Variants in FAM13A observed in about 807,000 individuals in gnomAD.
The protein encoded by FAM13A is protein FAM13A.
In FAM13A, 76 loss-of-function variants were observed where a neutral mutation model predicts 129.6. The ratio of observed to expected loss-of-function variants is 0.59; its 90% confidence interval spans 0.49 to 0.71. The LOEUF is 0.71. FAM13A is among the 30% of genes least tolerant of loss of function. The pLI, the probability that FAM13A is intolerant of heterozygous loss-of-function variation, is 0.00. For missense variants in FAM13A, 1,108 were observed against 1,249.3 expected (o/e 0.89, Z 1.70); for synonymous variants, 443 against 449.9 (o/e 0.98, Z 0.20).
At chr4:88,748,511 C>A (rs1228548000) in intron 17 of FAM13A, among the ~76,000 whole-genome samples, 3 of 152,198 alleles carry the variant, frequency 2.0e-5, no homozygotes, top group African/African-American at 7.2e-5. Flanking sequence ...ACACCTTATT[C>A]TGAAATTAGG....
intron 4 of FAM13A, among the ~76,000 whole-genome samples, chr4:88,966,919 C>G (rs189668955): frequency 9.2e-5 from 14 of 152,138 alleles, no homozygotes; most frequent in African/African-American, 3.4e-4. Flanking sequence ...TCTCAATATT[C>G]TCTAACCCAG....
chr4:89,035,012 T>C (rs1769184033), intron 1 of FAM13A, among the ~76,000 whole-genome samples: 1 of 152,018 alleles, frequency 6.6e-6, no homozygotes, highest in Non-Finnish European at 1.5e-5. Flanking sequence ...ATAAAGAAAA[T>C]ATGGTACACA....
chr4:89,049,905 C>G (rs1258741815), intron 1 of FAM13A, among the ~76,000 whole-genome samples: 1 of 151,932 alleles, frequency 6.6e-6, no homozygotes, highest in African/African-American at 2.4e-5. Context: ...ACTTCTAAAT[C>G]TAGAGAATGG....
At chr4:88,897,644 C>T (rs1245078318) in intron 6 of FAM13A, among the ~76,000 whole-genome samples, 1 of 152,142 alleles carries the variant, frequency 6.6e-6, no homozygotes, top group Non-Finnish European at 1.5e-5. Context: ...CTGAGAAAGA[C>T]AGCAATGGAG....
At chr4:89,027,248 T>A (rs980687376) in intron 2 of FAM13A, among the ~76,000 whole-genome samples, 44 of 152,148 alleles carry the variant, frequency 2.9e-4, no homozygotes, top group African/African-American at 1.0e-3. Context: ...ATGGCTCACA[T>A]CTATAATCGA....
intron 11 of FAM13A, among the ~76,000 whole-genome samples, chr4:88,769,147 A>G (rs1720096922): frequency 6.6e-6 from 1 of 152,162 alleles, no homozygotes. Context: ...TTATAATAAA[A>G]CCCTTTACTA....
At chr4:88,741,878 A>G (rs761978962) in intron 19 of FAM13A, among the ~76,000 whole-genome samples, 16 of 152,250 alleles carry the variant, frequency 1.1e-4, no homozygotes, top group Non-Finnish European at 2.1e-4. Context: ...AAGTGCAACA[A>G]TAGCCACAAA....
At chr4:88,947,431 C>T (rs1176105247) in intron 4 of FAM13A, among the ~76,000 whole-genome samples, 1 of 152,000 alleles carries the variant, frequency 6.6e-6, no homozygotes, top group Non-Finnish European at 1.5e-5. Context: ...AAAAAACACA[C>T]AGAAATGAAG....
At chr4:88,905,292 C>G (rs1747964210) in intron 6 of FAM13A, among the ~76,000 whole-genome samples, 1 of 152,078 alleles carries the variant, frequency 6.6e-6, no homozygotes, top group Non-Finnish European at 1.5e-5. Context: ...GCCACCCAAT[C>G]CTGGCTAATT....
Position 88,945,990 on chromosome 4 carries a change from G to GTGTGTGTGTGTATATATATATATATATA in FAM13A, c.606-7750_606-7749insTATATATATATATATATACACACACACA. 4.8e-4 allele frequency among the ~76,000 whole-genome samples: 30 copies of GTGTGTGTGTGTATATATATATATATATA among 61,862 alleles called. 1 individual carries two copies. The highest frequency in any genetic ancestry group is 6.9e-4 in the Non-Finnish European group (24 of 34,630). The allele number at this position is 61,862 out of a possible 152,430, so 40.6% of individuals were successfully genotyped here. A position where few individuals can be genotyped will look rare whatever the true frequency, so the allele number is the denominator to read the frequency against. On this transcript the variant is annotated intron_variant, in intron 4 of 23. Transcript: ENST00000264344. Reference sequence around the variant, plus strand: ...TGTGTGTGTGTGTGTGTGTGTGTGTGTATATATATATATATATATATATAT... The same window carrying GTGTGTGTGTGTATATATATATATATATA: ...TGTGTGTGTGTGTGTGTGTGTGTGTGTGTGTGTGTGTATATATATATATATATATATATATATATATATATATATATAT...
intron 7 of FAM13A, among the ~76,000 whole-genome samples, chr4:88,826,675 C>T (rs992301542): frequency 1.3e-5 from 2 of 152,148 alleles, no homozygotes; most frequent in South Asian, 2.1e-4. Context: ...CAAATATAAG[C>T]GAGTGCCTTT....
intron 5 of FAM13A, among the ~76,000 whole-genome samples, chr4:88,911,741 T>C (rs1250900528): frequency 6.6e-6 from 1 of 152,228 alleles, no homozygotes; most frequent in Non-Finnish European, 1.5e-5. Flanking sequence ...ACTGTGACCA[T>C]TCCCATCAAT....
intron 4 of FAM13A, among the ~76,000 whole-genome samples, chr4:88,986,818 TATA>T (rs1762300127): frequency 2.0e-5 from 3 of 152,366 alleles, no homozygotes; most frequent in South Asian, 4.1e-4. Context: ...GAAAGATTAT[TATA>T]ATGTTAAAAT....
intron 4 of FAM13A, among the ~76,000 whole-genome samples, chr4:88,947,515 T>G (rs1033541245): frequency 3.9e-5 from 6 of 152,222 alleles, no homozygotes; most frequent in East Asian, 1.9e-4. Context: ...GAGAGAGAGA[T>G]AGCCTAATTT....
At chr4:88,972,698 C>T (rs891320006) in intron 4 of FAM13A, among the ~76,000 whole-genome samples, 2 of 151,998 alleles carry the variant, frequency 1.3e-5, no homozygotes, top group Non-Finnish European at 2.9e-5. Context: ...GCCTCTGCCT[C>T]CCAGTTCAAG....
At chr4:88,996,095 T>A (rs938532381) in intron 3 of FAM13A, among the ~76,000 whole-genome samples, 3 of 152,086 alleles carry the variant, frequency 2.0e-5, no homozygotes, top group Admixed American at 6.5e-5. Context: ...GAGGCAGAGG[T>A]CCTGGGGCTG....
chr4:88,915,527 C>A (rs1014739960), intron 5 of FAM13A, among the ~76,000 whole-genome samples: 6 of 152,144 alleles, frequency 3.9e-5, no homozygotes, highest in African/African-American at 1.4e-4. Context: ...GAATTATATA[C>A]CTTATGAAAC....
intron 5 of FAM13A, among the ~76,000 whole-genome samples, chr4:88,921,694 C>A (rs561793658): frequency 4.5e-4 from 68 of 152,246 alleles, no homozygotes; most frequent in Middle Eastern, 3.4e-3. Flanking sequence ...CAAATTCACA[C>A]AAACAATATT....
intron 21 of FAM13A, among the ~76,000 whole-genome samples, chr4:88,733,645 G>C (rs910389593): frequency 6.6e-6 from 1 of 152,172 alleles, no homozygotes; most frequent in South Asian, 2.1e-4. Context: ...AGAAGTATCT[G>C]ACCAACTCAG....
Sources: gnomAD v4.1 joint callset for allele counts (sites outside exome capture counted in the v4.1 genomes callset) on GRCh38, gnomAD v4.1.1 for gene constraint, MANE v1.5 for transcripts, NCBI Gene and HGNC (gene_info 2026-07-23, HGNC 2026-07-21) for gene names.